LRRIQ4: variants seen among roughly 807,000 people sequenced by gnomAD.
LRRIQ4 encodes the protein leucine rich repeats and IQ motif containing 4.
LRRIQ4 carries 21 observed loss-of-function variants against 40.1 expected under a neutral mutation model. The observed-to-expected ratio is 0.52, with a 90% CI of 0.37 to 0.75. The LOEUF is 0.75. LRRIQ4 is among the 30% of genes least tolerant of loss of function. LRRIQ4 has a pLI of 0.00. For synonymous variants in LRRIQ4, 277 were observed against 277.1 expected, an observed-to-expected ratio of 1.00 and a Z score of 0.00; for missense variants, 655 against 660.0, an observed-to-expected ratio of 0.99 and a Z score of 0.08.
intron 2 of LRRIQ4, among the ~76,000 whole-genome samples, chr3:169,827,012 A>C (rs894683993): frequency 2.6e-5 from 4 of 152,144 alleles, no homozygotes; most frequent in Non-Finnish European, 4.4e-5. Flanking sequence ...CTCCAACTGT[A>C]AGTGACCCAT....
intron 5 of LRRIQ4, among the ~76,000 whole-genome samples, chr3:169,834,285 C>T (rs1178053922): frequency 2.0e-5 from 3 of 152,150 alleles, no homozygotes; most frequent in Admixed American, 2.0e-4. Context: ...TCGCTTGAAC[C>T]CAGGAGGCGG....
chr3:169,833,024 C>T lies in LRRIQ4; in HGVS notation c.1371C>T (p.Thr457=), dbSNP rs1338014004. The part of the protein sequence containing the change: ...KELRLEDNLL[T]HLPENLDSLV... ...TACGGCTGGAGGACAACTTGCTCACCCATCTTCCAGAGAATTTGGATTCCC... is the reference window on the plus strand; with the variant it reads ...TACGGCTGGAGGACAACTTGCTCACTCATCTTCCAGAGAATTTGGATTCCC... Residue 457 remains threonine, a synonymous_variant, in exon 5 of 6, where the codon ACC becomes ACT. Coordinates refer to ENST00000340806, the MANE Select transcript of LRRIQ4 (RefSeq NM_001080460.3). The T allele has an allele frequency of 3.1e-6, 5 of 1,613,300 alleles. No individual in the cohort carries two copies. The East Asian group carries it at 6.7e-5, about 22-fold the overall frequency.
chr3:169,831,454 T>C (rs1780174552), intron 4 of LRRIQ4, among the ~76,000 whole-genome samples: 1 of 91,126 alleles, frequency 1.1e-5, no homozygotes. Flanking sequence ...TTTTTTTTTT[T>C]TTTTTTTTTT....
chr3:169,818,053 T>C (rs1779802715), intron 1 of LRRIQ4, among the ~76,000 whole-genome samples: 1 of 152,188 alleles, frequency 6.6e-6, no homozygotes, highest in South Asian at 2.1e-4. Context: ...CCCACTGGCA[T>C]GGACAATTCC....
Position 169,837,567 on chromosome 3 carries a change from C to T in LRRIQ4, c.1619C>T (p.Ser540Phe), listed in dbSNP as rs746160133. The T allele has an allele frequency of 1.1e-5, 17 of 1,601,504 alleles. No individual in the cohort carries two copies. The highest frequency in any genetic ancestry group is 7.9e-5 in the South Asian group (7 of 88,298). ...AAACCACAAAAGAAAGGAAAGACCT[C>T]TCCAAAAGATAAGAAAGGAAAGAAG... The part of the protein sequence containing the change: ...LLKPQKKGKT[S>F]PKDKKGKKDV... Residue 540 changes from serine (S) to phenylalanine (F), a missense_variant, in exon 6 of 6, where the codon TCT (serine) becomes TTT (phenylalanine). Ser to Phe is a radical substitution (Grantham distance 155). Coordinates refer to ENST00000340806, the MANE Select transcript of LRRIQ4 (RefSeq NM_001080460.3).
At chr3:169,818,888 G>A (rs907627287) in intron 1 of LRRIQ4, among the ~76,000 whole-genome samples, 5 of 152,140 alleles carry the variant, frequency 3.3e-5, no homozygotes, top group Non-Finnish European at 5.9e-5. Context: ...TTAACCTCAG[G>A]AACCTAGTCT....
intron 5 of LRRIQ4, among the ~76,000 whole-genome samples, chr3:169,834,435 T>C (rs1023503221): frequency 6.6e-6 from 1 of 152,252 alleles, no homozygotes; most frequent in East Asian, 1.9e-4. Context: ...TGGTTCTTAA[T>C]TGAATACTTC....
Position 169,822,176 on chromosome 3 carries a change from C to A in LRRIQ4, c.255C>A (p.Ser85Arg), listed in dbSNP as rs749331849. 1.9e-6 allele frequency: 3 copies of A among 1,609,020 alleles called. No individual in the cohort carries two copies. Among genetic ancestry groups the A allele is most frequent in the Non-Finnish European group, 2.5e-6 (3 of 1,178,680 alleles). Reference sequence around the variant, plus strand: ...ACCTGGATAAGAACAACCTGAGGAGCCTGTGCCCGGCGCTGGGGCTGCTGA... The same window carrying A: ...ACCTGGATAAGAACAACCTGAGGAGACTGTGCCCGGCGCTGGGGCTGCTGA... ...VLYLDKNNLR[S>R]LCPALGLLSS... The change falls in exon 2 of 6, where the codon AGC (serine) becomes AGA (arginine). Residue 85 changes from serine (S) to arginine (R), a missense_variant. By Grantham distance (110) the Ser-to-Arg change is moderately radical. Coordinates refer to ENST00000340806, the MANE Select transcript of LRRIQ4 (RefSeq NM_001080460.3).
Position 169,833,101 on chromosome 3 carries a change from CA to C in LRRIQ4, c.1452del (p.Glu485LysfsTer22). The C allele has an allele frequency of 6.2e-7, 1 of 1,613,896 alleles. No individual in the cohort carries two copies. The highest frequency in any genetic ancestry group is 1.7e-5 in the Admixed American group (1 of 60,022). On this transcript the variant is annotated frameshift_variant, in exon 5 of 6. Coordinates refer to ENST00000340806, the MANE Select transcript of LRRIQ4 (RefSeq NM_001080460.3). LOFTEE classifies it high-confidence loss of function. ...TLMDNPMEEP[P>X]KEVCAEGNEA... ...ATGGACAATCCCATGGAAGAACCCC[CA>C]AAAGAAGTGTGTGCTGAAGGCAATG... is the stretch of plus-strand genomic sequence containing the variant.
chr3:169,836,627 A>G (rs1780309050), intron 5 of LRRIQ4, among the ~76,000 whole-genome samples: 1 of 152,182 alleles, frequency 6.6e-6, no homozygotes, highest in East Asian at 1.9e-4. Flanking sequence ...CCCTTCTCCA[A>G]ATTCATTCAC....
In LRRIQ4 at chr3:169,828,823, T is replaced by C. The variant is rs1373868307; in HGVS notation, c.1085T>C (p.Leu362Pro). The C allele has an allele frequency of 6.2e-6, 10 of 1,613,854 alleles. No homozygotes were observed. Among genetic ancestry groups the C allele is most frequent in the African/African-American group, 2.7e-5 (2 of 74,942 alleles). ...CTTGGACTAACAGGAAATGAGTTCC[T>C]TTCCTTTCCGGAGGAAGTCCTTTCT... ...KILGLTGNEFLSFPEEVLSLA... is the reference protein window; with the variant it reads ...KILGLTGNEFPSFPEEVLSLA... Residue 362 changes from leucine (L) to proline (P), a missense_variant, in exon 3 of 6, where the codon CTT becomes CCT. Physicochemically the swap from Leu to Pro is moderately conservative, Grantham distance 98. Transcript: ENST00000340806.
In LRRIQ4 at chr3:169,825,038, C is replaced by T. The variant is rs181511636; in HGVS notation, c.1020+2097C>T. 1.0e-3 allele frequency among the ~76,000 whole-genome samples: 153 copies of T among 146,828 alleles called. 2 individuals are homozygous for T. The East Asian group carries it at 0.027, about 26-fold the overall frequency. On this transcript the variant is annotated intron_variant, in intron 2 of 5. Coordinates refer to ENST00000340806, the MANE Select transcript of LRRIQ4 (RefSeq NM_001080460.3). ...TTTTTTTTTTTTTGAGATGAGCTCT[C>T]GCTCTGTTGCCCAGGCTGGAGTACA...
intron 1 of LRRIQ4, among the ~76,000 whole-genome samples, chr3:169,820,914 G>A (rs1471579830): frequency 6.6e-6 from 1 of 152,226 alleles, no homozygotes; most frequent in Non-Finnish European, 1.5e-5. Flanking sequence ...TTAGTGGGGA[G>A]AACTGACTTT....
chr3:169,820,294 C>G (rs962824390), intron 1 of LRRIQ4, among the ~76,000 whole-genome samples: 1 of 127,518 alleles, frequency 7.8e-6, no homozygotes, highest in Non-Finnish European at 1.7e-5. Flanking sequence ...TGTGTGTGTA[C>G]TAAAGACTTA....
At chr3:169,827,845 T>C (rs1433592711) in intron 2 of LRRIQ4, among the ~76,000 whole-genome samples, 3 of 152,170 alleles carry the variant, frequency 2.0e-5, no homozygotes, top group Non-Finnish European at 4.4e-5. Context: ...AAGGTTGAAA[T>C]AGAGAACCTT....
At chr3:169,827,412 C>T (rs913758879) in intron 2 of LRRIQ4, among the ~76,000 whole-genome samples, 2 of 151,950 alleles carry the variant, frequency 1.3e-5, no homozygotes, top group Non-Finnish European at 1.5e-5. Flanking sequence ...TCGAGACCAT[C>T]CTGGCTGACA....
chr3:169,817,595 C>T (rs1454819465), intron 1 of LRRIQ4, among the ~76,000 whole-genome samples: 1 of 152,170 alleles, frequency 6.6e-6, no homozygotes, highest in Non-Finnish European at 1.5e-5. Flanking sequence ...ATTTGCTTTA[C>T]ATAACTAGGT....
chr3:169,834,132 C>T (rs866576371), intron 5 of LRRIQ4, among the ~76,000 whole-genome samples: 1 of 152,102 alleles, frequency 6.6e-6, no homozygotes, highest in Non-Finnish European at 1.5e-5. Flanking sequence ...GAGGCTGAGG[C>T]GGGTGGATCA....
chr3:169,835,762 T>G (rs996421588), intron 5 of LRRIQ4, among the ~76,000 whole-genome samples: 3 of 152,120 alleles, frequency 2.0e-5, no homozygotes, highest in Non-Finnish European at 2.9e-5. Context: ...TCCTCTTTCC[T>G]ACTCTCACTG....
Sources: gnomAD v4.1 joint callset for allele counts (sites outside exome capture counted in the v4.1 genomes callset) on GRCh38, gnomAD v4.1.1 for gene constraint, MANE v1.5 for transcripts, NCBI Gene and HGNC (gene_info 2026-07-23, HGNC 2026-07-21) for gene names.